ANKDD1B: variants seen among roughly 807,000 people sequenced by gnomAD.
ANKDD1B encodes ankyrin repeat and death domain-containing protein 1B.
In ANKDD1B, 57 loss-of-function variants were observed where a neutral mutation model predicts 59.7. The ratio of observed to expected loss-of-function variants is 0.95; its 90% CI spans 0.77 to 1.19. The LOEUF (loss-of-function observed/expected upper bound fraction) is 1.19, where lower values mean the gene tolerates loss of function less well. ANKDD1B is among the 50% of genes most tolerant of loss of function. The pLI is 0.00. For missense variants in ANKDD1B, 602 were observed against 641.9 expected, an observed-to-expected ratio of 0.94 and a Z score of 0.67; for synonymous variants, 216 against 239.5, an observed-to-expected ratio of 0.90 and a Z score of 0.91.
In ANKDD1B at chr5:75,667,009, A is replaced by G; in HGVS notation, c.1393+16A>G. On this transcript the variant is annotated intron_variant, in intron 12 of 13. Coordinates refer to ENST00000601380, the MANE Select transcript of ANKDD1B (RefSeq NM_001276713.2). ...CAGTGGTCGGGTGAGTACAGACTAG[A>G]TGATGTGGGCAGGAGGAATTCACTG... The G allele has an allele frequency of 1.4e-6, 2 of 1,412,530 alleles. No homozygotes were observed. The highest frequency in any genetic ancestry group is 1.6e-5 in the South Asian group (1 of 63,066). The allele number at this position is 1,412,530 out of a possible 1,614,324, so 87.5% of individuals were successfully genotyped here.
At chr5:75,661,752 A>T (rs1775158026) in intron 10 of ANKDD1B, among the ~76,000 whole-genome samples, 1 of 152,184 alleles carries the variant, frequency 6.6e-6, no homozygotes, top group African/African-American at 2.4e-5. Flanking sequence ...TTGTTTTCAA[A>T]ACAAGAGCTC....
Position 75,671,012 on chromosome 5 carries a change from C to T in ANKDD1B, c.1559C>T (p.Ser520Leu). 8.1e-7 allele frequency: 1 copy of T among 1,230,094 alleles called. No individual in the cohort carries two copies. The highest frequency in any genetic ancestry group is 1.0e-6 in the Non-Finnish European group (1 of 986,246). The allele number at this position is 1,230,094 out of a possible 1,614,324, so 76.2% of individuals were successfully genotyped here. A position where few individuals can be genotyped will look rare whatever the true frequency, so the allele number is the denominator to read the frequency against. Residue 520 changes from serine to leucine, a missense_variant, in exon 14 of 14, where the codon TCA (serine) becomes TTA (leucine). Coordinates refer to ENST00000601380, the MANE Select transcript of ANKDD1B (RefSeq NM_001276713.2). ...KTRHFKSKTD[S>L]NSKKCVVS ...CGTCATTTCAAAAGCAAAACTGACT[C>T]AAACTCCAAGAAATGTGTAGTTTCA...
At chr5:75,659,836 T>G (rs896071487) in intron 10 of ANKDD1B, among the ~76,000 whole-genome samples, 5 of 152,198 alleles carry the variant, frequency 3.3e-5, no homozygotes, top group African/African-American at 1.2e-4. Flanking sequence ...TTTTAGACAC[T>G]GATGGCATAC....
At chr5:75,626,034 G>A in intron 5 of ANKDD1B, 79 bp downstream of exon 5, 1 of 1,081,208 alleles carries the variant, frequency 9.2e-7, no homozygotes, top group Non-Finnish European at 1.3e-6. Flanking sequence ...GTACAGCTGT[G>A]AAAGCAGCCA....
At chr5:75,658,851 T>C (rs1775042755) in intron 9 of ANKDD1B, among the ~76,000 whole-genome samples, 1 of 152,202 alleles carries the variant, frequency 6.6e-6, no homozygotes, top group South Asian at 2.1e-4. Context: ...ATTAATTACA[T>C]TCATTTGGTA....
chr5:75,637,217 C>T lies in ANKDD1B; in HGVS notation c.798+1335C>T, dbSNP rs116685813. On this transcript the variant is annotated intron_variant, in intron 7 of 13. Transcript: ENST00000601380. ...CCCAGATCGTACCACTGCACCTGAG[C>T]CTGGGCGACAGAGACTCTGTCTCAA... is the stretch of plus-strand genomic sequence containing the variant. Among the ~76,000 whole-genome samples the T allele has an allele frequency of 9.0e-3, 1,175 of 130,924 alleles. 14 individuals carry two copies. The highest frequency in any genetic ancestry group is 0.034 in the African/African-American group (1,119 of 32,560). 85.9% of individuals were successfully genotyped at this position (130,924 alleles called of 152,430 possible).
intron 7 of ANKDD1B, among the ~76,000 whole-genome samples, chr5:75,639,492 C>A (rs188414554): frequency 6.6e-6 from 1 of 152,090 alleles, no homozygotes; most frequent in African/African-American, 2.4e-5. Flanking sequence ...CCACTGCACC[C>A]GGCGGAGAAA....
At chr5:75,630,899 C>A (rs1213092472) in intron 5 of ANKDD1B, among the ~76,000 whole-genome samples, 1 of 152,128 alleles carries the variant, frequency 6.6e-6, no homozygotes, top group Admixed American at 6.5e-5. Flanking sequence ...GGTTTAATAT[C>A]CTTATGGATT....
chr5:75,656,682 G>A (rs967339619), intron 9 of ANKDD1B, among the ~76,000 whole-genome samples: 5 of 152,232 alleles, frequency 3.3e-5, no homozygotes, highest in African/African-American at 1.2e-4. Flanking sequence ...AAGGGAATGG[G>A]GGTGGGCACT....
intron 7 of ANKDD1B, among the ~76,000 whole-genome samples, chr5:75,640,108 A>G (rs1774424993): frequency 6.6e-6 from 1 of 151,682 alleles, no homozygotes. Flanking sequence ...TGGTGATGCA[A>G]TCCTATCTCA....
chr5:75,647,332 A>C (rs1774658314), intron 7 of ANKDD1B, among the ~76,000 whole-genome samples: 1 of 121,328 alleles, frequency 8.2e-6, no homozygotes, highest in South Asian at 2.3e-4. Flanking sequence ...ACATGGGAGA[A>C]AATTTTCACA....
chr5:75,647,344 C>G (rs1774658616), intron 7 of ANKDD1B, among the ~76,000 whole-genome samples: 1 of 122,328 alleles, frequency 8.2e-6, no homozygotes, highest in Non-Finnish European at 1.6e-5. Context: ...ATTTTCACAA[C>G]CTACTCATCT....
At chr5:75,622,412 G>T (rs759406511) in intron 3 of ANKDD1B, among the ~76,000 whole-genome samples, 1 of 152,168 alleles carries the variant, frequency 6.6e-6, no homozygotes, top group Non-Finnish European at 1.5e-5. Flanking sequence ...AGGGCCTACA[G>T]TCTATCTGGG....
chr5:75,654,794 C>T (rs535554394), intron 8 of ANKDD1B, among the ~76,000 whole-genome samples: 130 of 152,258 alleles, frequency 8.5e-4, no homozygotes, highest in Non-Finnish European at 1.5e-3. Flanking sequence ...TCCACTTGAG[C>T]GACGCTGCCC....
At chr5:75,624,218 G>A (rs1340745764) in intron 3 of ANKDD1B, among the ~76,000 whole-genome samples, 1 of 152,196 alleles carries the variant, frequency 6.6e-6, no homozygotes, top group African/African-American at 2.4e-5. Context: ...GGAAGCTGAA[G>A]CTGAGAGTTA....
At chr5:75,657,115 G>A (rs1017272363) in intron 9 of ANKDD1B, among the ~76,000 whole-genome samples, 5 of 152,122 alleles carry the variant, frequency 3.3e-5, no homozygotes, top group African/African-American at 7.2e-5. Flanking sequence ...ATTCAACTAC[G>A]TTAATATCTA....
At chr5:75,654,874 C>T (rs964611788) in intron 8 of ANKDD1B, among the ~76,000 whole-genome samples, 1 of 152,104 alleles carries the variant, frequency 6.6e-6, no homozygotes, top group African/African-American at 2.4e-5. Flanking sequence ...AGCTCGGCTC[C>T]GGATCTGCAC....
In ANKDD1B at chr5:75,666,939, C is replaced by T. The variant is rs1775321865; in HGVS notation, c.1339C>T (p.Arg447Cys). 7 of 1,520,328 alleles carry T rather than the reference C, an allele frequency of 4.6e-6. No homozygotes were observed. The highest frequency in any genetic ancestry group is 4.1e-5 in the African/African-American group (3 of 72,450). The allele number at this position is 1,520,328 out of a possible 1,614,324, so 94.2% of individuals were successfully genotyped here. A position where few individuals can be genotyped will look rare whatever the true frequency, so the allele number is the denominator to read the frequency against. ...LKANEWQRLA[R>C]SWNFTDDQIR... The stretch of plus-strand genomic sequence containing the variant: ...GGCCAATGAGTGGCAGAGGCTGGCC[C>T]GTTCGTGGAACTTTACAGATGACCA... The change falls in exon 12 of 14, where the codon CGT becomes TGT. Residue 447 changes from arginine to cysteine, a missense_variant. Transcript: ENST00000601380.
Position 75,671,113 on chromosome 5 carries a change from A to C in ANKDD1B, c.*73A>C. On this transcript the variant is annotated 3_prime_UTR_variant, in exon 14 of 14. Transcript: ENST00000601380. ...TCTTTTAATGCCATAAATTTCTTCT[A>C]GCAGTAGCACTGATTTTCAACTATG... 2 of 648,168 alleles carry C rather than the reference A, an allele frequency of 3.1e-6. No individual in the cohort carries two copies. The highest frequency in any genetic ancestry group is 4.4e-6 in the Non-Finnish European group (2 of 454,724). The allele number at this position is 648,168 out of a possible 1,614,324, so 40.2% of individuals were successfully genotyped here.
Sources: allele counts gnomAD v4.1 joint callset (sites outside exome capture counted in the v4.1 genomes callset), GRCh38; gene constraint gnomAD v4.1.1; transcripts MANE v1.5; gene names NCBI Gene and HGNC (gene_info 2026-07-23, HGNC 2026-07-21).